Variants in EML6 observed in about 807,000 individuals in gnomAD.
EML6 encodes the protein EMAP like 6, also known as echinoderm microtubule-associated protein-like 6.
Under a neutral mutation model 240.1 loss-of-function variants are expected in EML6, and 154 were observed. The ratio of observed to expected loss-of-function variants is 0.64; its 90% CI spans 0.56 to 0.73. EML6 has a LOEUF of 0.73. EML6 is among the 30% of genes least tolerant of loss of function. The pLI, the probability that EML6 is intolerant of heterozygous loss-of-function variation, is 0.00. For synonymous variants in EML6, 1,148 were observed against 899.0 expected, an observed-to-expected ratio of 1.28 and a Z score of -4.95; for missense variants, 2,964 against 2,474.6, an observed-to-expected ratio of 1.20 and a Z score of -4.20.
chr2:54,737,991 C>T (rs1460224971), intron 2 of EML6, among the ~76,000 whole-genome samples: 1 of 152,174 alleles, frequency 6.6e-6, no homozygotes, highest in East Asian at 1.9e-4. Context: ...ATCCTTGTCC[C>T]CTCAGACATT....
chr2:54,848,687 A>C (rs542355573), intron 9 of EML6, among the ~76,000 whole-genome samples: 9 of 152,160 alleles, frequency 5.9e-5, no homozygotes, highest in Non-Finnish European at 1.3e-4. Context: ...GGAGTTGATG[A>C]AGCCATCTTT....
At chr2:54,829,541 C>A in intron 7 of EML6, 64 bp downstream of exon 7, 1 of 1,351,522 alleles carries the variant, frequency 7.4e-7, no homozygotes, top group Non-Finnish European at 1.0e-6. Context: ...GTTCTGTATT[C>A]ATATTTGTTT....
intron 28 of EML6, among the ~76,000 whole-genome samples, chr2:54,941,296 A>G (rs1022626519): frequency 6.6e-6 from 1 of 152,004 alleles, no homozygotes; most frequent in Non-Finnish European, 1.5e-5. Flanking sequence ...GTTCACTCAT[A>G]TGTGGAAGCT....
intron 3 of EML6, among the ~76,000 whole-genome samples, chr2:54,813,741 C>T (rs962691018): frequency 1.3e-5 from 2 of 152,180 alleles, no homozygotes; most frequent in East Asian, 1.9e-4. Flanking sequence ...TATTCATAGA[C>T]GTCAAGCCCT....
chr2:54,824,986 A>C (rs976402644), intron 5 of EML6, among the ~76,000 whole-genome samples: 2 of 152,228 alleles, frequency 1.3e-5, no homozygotes, highest in African/African-American at 4.8e-5. Flanking sequence ...TGCAGAAAAT[A>C]ACATACATTT....
At chr2:54,758,394 C>T (rs1376725382) in intron 2 of EML6, among the ~76,000 whole-genome samples, 1 of 152,048 alleles carries the variant, frequency 6.6e-6, no homozygotes, top group Non-Finnish European at 1.5e-5. Flanking sequence ...TTCTGATGGC[C>T]CAGAATGTGC....
At position 54,844,318 on chromosome 2, in the gene EML6, A is replaced by G. The variant is rs55764408; in HGVS notation, c.1049+70A>G. On this transcript the variant is annotated intron_variant, in intron 8 of 41. Transcript: ENST00000356458. Reference sequence around the variant, plus strand: ...TTTATTTGCCCAAATTTGCTTATTAATAGAAGGATAAAGTGCAGAACAGAA... The same window carrying G: ...TTTATTTGCCCAAATTTGCTTATTAGTAGAAGGATAAAGTGCAGAACAGAA... 9.6e-3 allele frequency: 11,699 copies of G among 1,219,732 alleles called. 715 individuals carry two copies. In the African/African-American group the frequency reaches 0.14, roughly 14 times the overall value. 75.6% of individuals were successfully genotyped at this position (1,219,732 alleles called of 1,614,324 possible). A position where few individuals can be genotyped will look rare whatever the true frequency, so the allele number is the denominator to read the frequency against.
At chr2:54,794,531 C>A (rs1051177250) in intron 2 of EML6, among the ~76,000 whole-genome samples, 1 of 152,150 alleles carries the variant, frequency 6.6e-6, no homozygotes, top group Non-Finnish European at 1.5e-5. Flanking sequence ...CAGATACTTT[C>A]AGCACCCCTC....
intron 2 of EML6, among the ~76,000 whole-genome samples, chr2:54,741,258 C>T (rs354199): frequency 0.34 from 51,835 of 151,822 alleles, 9,067 homozygotes; most frequent in East Asian, 0.54. Flanking sequence ...TACTAACTGG[C>T]CTCCTGGCTT....
intron 28 of EML6, among the ~76,000 whole-genome samples, chr2:54,929,019 A>G (rs1267872059): frequency 1.7e-5 from 2 of 115,246 alleles, no homozygotes; most frequent in Non-Finnish European, 3.9e-5. Context: ...ACACTTCTCC[A>G]TGCCCAGAAA....
chr2:54,868,987 A>G (rs1336230279), intron 14 of EML6, 194 bp from the exon 15 acceptor site: 4 of 511,298 alleles, frequency 7.8e-6, no homozygotes, highest in Non-Finnish European at 1.4e-5. Flanking sequence ...TTCAGTGCCC[A>G]TGTGCCTTTT....
chr2:54,847,212 A>C lies in EML6; in HGVS notation c.1050-274A>C, dbSNP rs530695668. 1.8e-3 allele frequency among the ~76,000 whole-genome samples: 270 copies of C among 152,230 alleles called. 1 individual carries two copies. The highest frequency in any genetic ancestry group is 6.3e-3 in the African/African-American group (263 of 41,534). On this transcript the variant is annotated intron_variant, in intron 8 of 41. Transcript: ENST00000356458. ...CGTTGAGCCATCATGCCCAGCCTTA[A>C]ATTTTTTTTTTGTTCTGTGAATCTC...
chr2:54,749,154 C>CT (rs1684044770), intron 2 of EML6, among the ~76,000 whole-genome samples: 1 of 152,138 alleles, frequency 6.6e-6, no homozygotes, highest in Admixed American at 6.5e-5. Context: ...TTCCTCTGCT[C>CT]TTATATCACA....
intron 2 of EML6, among the ~76,000 whole-genome samples, chr2:54,804,341 G>A (rs1217640236): frequency 6.6e-6 from 1 of 152,236 alleles, no homozygotes; most frequent in Non-Finnish European, 1.5e-5. Context: ...AAAAAAGGAT[G>A]ACTAGCTCCA....
At chr2:54,926,235 T>G (rs1467148194) in intron 26 of EML6, among the ~76,000 whole-genome samples, 3 of 152,140 alleles carry the variant, frequency 2.0e-5, no homozygotes, top group Non-Finnish European at 4.4e-5. Context: ...CCAAGTAGCT[T>G]GGATTACAGG....
chr2:54,798,207 C>T (rs954759652), intron 2 of EML6, among the ~76,000 whole-genome samples: 1 of 152,106 alleles, frequency 6.6e-6, no homozygotes, highest in Non-Finnish European at 1.5e-5. Context: ...GAGTCTCGCC[C>T]TGTTGCCCAG....
At position 54,774,047 on chromosome 2, in the gene EML6, G is replaced by A. The variant is rs142187454; in HGVS notation, c.198-39185G>A. On this transcript the variant is annotated intron_variant, in intron 2 of 41. Coordinates refer to ENST00000356458, the MANE Select transcript of EML6 (RefSeq NM_001039753.4). This position sits in a 1 kb window ranked among gnomAD's most constrained non-coding sequence, Gnocchi z 4.1. ...CAGCAGGAGGAGAAAGAGGGGCACT[G>A]CTAAGAACACTTCCTGGAAGTTGCA... Among the ~76,000 whole-genome samples, 2 of 152,298 alleles carry A rather than the reference G, an allele frequency of 1.3e-5. No homozygotes were observed. The highest frequency in any genetic ancestry group is 4.8e-5 in the African/African-American group (2 of 41,552).
intron 24 of EML6, among the ~76,000 whole-genome samples, chr2:54,909,627 C>G (rs1033919210): frequency 1.3e-5 from 2 of 152,022 alleles, no homozygotes; most frequent in South Asian, 4.2e-4. Flanking sequence ...GGGCAGATCA[C>G]CTGAGGTCAG....
At chr2:54,959,328 G>C (rs974207808) in intron 34 of EML6, 67 bp downstream of exon 34, 20 of 1,423,324 alleles carry the variant, frequency 1.4e-5, no homozygotes, top group Admixed American at 8.0e-5. Context: ...TGACAAAAGT[G>C]TTCCCAACTT....
Sources: gnomAD v4.1 joint callset for allele counts (sites outside exome capture counted in the v4.1 genomes callset) on GRCh38, gnomAD v4.1.1 for gene constraint, Gnocchi (gnomAD v3.1) non-coding constraint, MANE v1.5 for transcripts, NCBI Gene and HGNC (gene_info 2026-07-23, HGNC 2026-07-21) for gene names.